The following SSBP3 variants were observed in gnomAD, a reference collection of about 807,000 sequenced individuals.
SSBP3 encodes the protein single-stranded DNA-binding protein 3.
In SSBP3, 5 loss-of-function variants were observed where a neutral mutation model predicts 69.6. The ratio of observed to expected loss-of-function variants is 0.07; its 90% CI spans 0.04 to 0.15. The LOEUF (loss-of-function observed/expected upper bound fraction) is 0.15, where lower values mean the gene tolerates loss of function less well. Ranked by LOEUF, SSBP3 falls within the 10% of genes least tolerant of loss-of-function variation. The probability of loss-of-function intolerance (pLI) is 1.00; values close to 1 mark genes in which losing one functional copy is unlikely to be tolerated. For missense variants in SSBP3, 312 were observed against 534.0 expected (o/e 0.58, Z 4.10); for synonymous variants, 196 against 193.4 (o/e 1.01, Z -0.11).
intron 4 of SSBP3, among the ~76,000 whole-genome samples, chr1:54,381,872 A>C (rs1647681632): frequency 6.6e-6 from 1 of 152,250 alleles, no homozygotes; most frequent in African/African-American, 2.4e-5. Context: ...AGTCAGCTGG[A>C]ACCAACAGGA....
At chr1:54,253,179 TTTTTTAGTTTTTG>T (rs1644861200) in intron 7 of SSBP3, among the ~76,000 whole-genome samples, 1 of 149,644 alleles carries the variant, frequency 6.7e-6, no homozygotes, top group South Asian at 2.1e-4. Context: ...TTTTTGTTTT[TTTTTTAGTTTTTG>T]TTTTTTTTTT....
chr1:54,370,094 TCAC>T (rs1274986041), intron 4 of SSBP3, among the ~76,000 whole-genome samples: 2 of 152,154 alleles, frequency 1.3e-5, no homozygotes, highest in South Asian at 4.1e-4. Context: ...CTCTTCAGGG[TCAC>T]CACCTGGCAC....
Position 54,406,362 on chromosome 1 carries a change from T to TGCCGCC in SSBP3, c.-360_-355dup, listed in dbSNP as rs3033693. 1.0e-3 allele frequency: 157 copies of TGCCGCC among 156,400 alleles called. 1 individual carries two copies. The highest frequency in any genetic ancestry group is 1.7e-3 in the African/African-American group (67 of 40,206). 9.7% of individuals were successfully genotyped at this position (156,400 alleles called of 1,614,324 possible). ...CCGCCCTCTGCGCCTCCAGCACCGC[T>TGCCGCC]GCCGCCGCCGCCGCCGCCGCCGCCG... is the stretch of plus-strand genomic sequence containing the variant. On this transcript the variant is annotated 5_prime_UTR_variant, in exon 1 of 18. Transcript: ENST00000610401.
chr1:54,333,029 A>G (rs901928145), intron 4 of SSBP3, among the ~76,000 whole-genome samples: 3 of 152,158 alleles, frequency 2.0e-5, no homozygotes, highest in African/African-American at 7.2e-5. Flanking sequence ...GCTTCCTAAT[A>G]GGGCCAGGCT....
At chr1:54,240,751 C>A (rs1040672902) in intron 13 of SSBP3, among the ~76,000 whole-genome samples, 154 bp downstream of exon 13, 36 of 152,140 alleles carry the variant, frequency 2.4e-4, no homozygotes, top group African/African-American at 8.2e-4. Context: ...CATCAAGGGA[C>A]CCCCTGCCCT....
chr1:54,281,616 G>A (rs1645394206), intron 4 of SSBP3, 89 bp from the exon 5 acceptor site: 12 of 1,208,312 alleles, frequency 9.9e-6, no homozygotes, highest in Middle Eastern at 3.7e-4. Flanking sequence ...CTCCCTGTCC[G>A]TCCACATTCC....
At chr1:54,307,334 C>T (rs1358484514) in intron 4 of SSBP3, among the ~76,000 whole-genome samples, 1 of 152,146 alleles carries the variant, frequency 6.6e-6, no homozygotes, top group African/African-American at 2.4e-5. Flanking sequence ...ACCTTTACAT[C>T]CACTCCCAGG....
At chr1:54,252,111 G>C (rs564537506) in intron 7 of SSBP3, among the ~76,000 whole-genome samples, 86 of 152,292 alleles carry the variant, frequency 5.6e-4, no homozygotes, top group African/African-American at 2.0e-3. Context: ...TCATCCTGCT[G>C]TCTTGGGGTA....
At chr1:54,365,625 A>T (rs886304305) in intron 4 of SSBP3, among the ~76,000 whole-genome samples, 1 of 152,068 alleles carries the variant, frequency 6.6e-6, no homozygotes, top group Non-Finnish European at 1.5e-5. Context: ...CAACCATCAG[A>T]TATTGGTGAT....
chr1:54,409,352 C>T (rs1649929738), upstream of SSBP3, among the ~76,000 whole-genome samples: 1 of 152,140 alleles, frequency 6.6e-6, no homozygotes, highest in South Asian at 2.1e-4. Context: ...TCATTCTCCC[C>T]ATTGTTGTAG....
At chr1:54,384,105 CAAAAA>C (rs34137070) in intron 4 of SSBP3, among the ~76,000 whole-genome samples, 4 of 94,110 alleles carry the variant, frequency 4.3e-5, no homozygotes, top group South Asian at 7.6e-4. Flanking sequence ...GACTCCATCT[CAAAAA>C]AAAAAAAAAA....
intron 4 of SSBP3, among the ~76,000 whole-genome samples, chr1:54,397,268 C>G (rs1648960559): frequency 1.3e-5 from 2 of 152,216 alleles, no homozygotes; most frequent in African/African-American, 4.8e-5. Context: ...CTGCCACCCT[C>G]TTGTCCCCCT....
chr1:54,247,235 G>A (rs1168592341), intron 9 of SSBP3, among the ~76,000 whole-genome samples: 2 of 152,220 alleles, frequency 1.3e-5, no homozygotes, highest in Non-Finnish European at 2.9e-5. Context: ...GGATCTGCTG[G>A]CCCCCAGAGT....
At chr1:54,307,829 AG>A (rs1181145445) in intron 4 of SSBP3, among the ~76,000 whole-genome samples, 1 of 151,150 alleles carries the variant, frequency 6.6e-6, no homozygotes, top group Admixed American at 6.6e-5. Flanking sequence ...TGGTCTAAAA[AG>A]GGGAGGCATG....
At chr1:54,309,880 G>A (rs913772315) in intron 4 of SSBP3, among the ~76,000 whole-genome samples, 8 of 152,136 alleles carry the variant, frequency 5.3e-5, no homozygotes, top group Middle Eastern at 3.2e-3. Context: ...CTTTCTTGTC[G>A]TTTCCAAAAC....
intron 4 of SSBP3, among the ~76,000 whole-genome samples, chr1:54,365,949 A>G (rs969458454): frequency 6.6e-6 from 1 of 152,204 alleles, no homozygotes; most frequent in Admixed American, 6.5e-5. Flanking sequence ...AAGTTTACTC[A>G]TCTGGGAAAC....
At chr1:54,356,658 C>T (rs1349301157) in intron 4 of SSBP3, 1 of 152,308 alleles carries the variant, frequency 6.6e-6, no homozygotes, top group Non-Finnish European at 1.5e-5. Flanking sequence ...CGCCTCGCAG[C>T]CGCTCCCACC....
chr1:54,350,839 G>A (rs1646770419), intron 4 of SSBP3, among the ~76,000 whole-genome samples: 2 of 152,056 alleles, frequency 1.3e-5, no homozygotes, highest in Admixed American at 1.3e-4. Flanking sequence ...CAGCTTCTCA[G>A]ATGCTTTTTT....
intron 7 of SSBP3, among the ~76,000 whole-genome samples, chr1:54,252,935 C>A (rs185113150): frequency 3.1e-4 from 47 of 152,312 alleles, no homozygotes; most frequent in Admixed American, 2.0e-3. Context: ...GGGCCCCCAG[C>A]CCAGGCTGTG....
Sources: allele counts gnomAD v4.1 joint callset (sites outside exome capture counted in the v4.1 genomes callset), GRCh38; gene constraint gnomAD v4.1.1; transcripts MANE v1.5; gene names NCBI Gene and HGNC (gene_info 2026-07-23, HGNC 2026-07-21).